Variants in STAG1 observed in about 807,000 individuals in gnomAD.
STAG1 encodes the protein cohesin subunit SA-1.
A neutral mutation model predicts 170.9 loss-of-function variants in STAG1; 26 were observed. That is an observed-to-expected ratio of 0.15 (90% CI 0.11 to 0.21). STAG1 has a LOEUF of 0.21. Among genes scored for constraint, STAG1 ranks in the 10% least tolerant of loss-of-function variants. STAG1 has a pLI of 1.00. For missense variants in STAG1, 964 were observed against 1,509.5 expected (o/e 0.64, Z 5.99); for synonymous variants, 514 against 497.7 (o/e 1.03, Z -0.44).
intron 22 of STAG1, among the ~76,000 whole-genome samples, chr3:136,384,056 A>G (rs1938129298): frequency 6.6e-6 from 1 of 152,164 alleles, no homozygotes; most frequent in African/African-American, 2.4e-5. Flanking sequence ...TAACAAAAGC[A>G]GTCTGCCTCC....
intron 21 of STAG1, among the ~76,000 whole-genome samples, chr3:136,412,690 C>G (rs895736673): frequency 2.0e-5 from 3 of 152,046 alleles, no homozygotes; most frequent in African/African-American, 7.2e-5. Context: ...TAAGAACATT[C>G]TGTAAAATAA....
chr3:136,520,151 A>G (rs1220536298), intron 7 of STAG1, among the ~76,000 whole-genome samples: 3 of 152,180 alleles, frequency 2.0e-5, no homozygotes, highest in Admixed American at 6.5e-5. Flanking sequence ...AAGCCAAAAA[A>G]TAACAAAATT....
At chr3:136,415,266 T>C (rs2087738377) in intron 21 of STAG1, among the ~76,000 whole-genome samples, 1 of 151,604 alleles carries the variant, frequency 6.6e-6, no homozygotes, top group Non-Finnish European at 1.5e-5. Flanking sequence ...TGTGTAACAA[T>C]TCAGTGAAGG....
chr3:136,429,894 T>A (rs2088243744), intron 16 of STAG1, among the ~76,000 whole-genome samples: 1 of 152,160 alleles, frequency 6.6e-6, no homozygotes, highest in Non-Finnish European at 1.5e-5. Flanking sequence ...CTTAAAAACT[T>A]TTTTCTCCTC....
At chr3:136,372,532 T>C (rs1937400513) in intron 23 of STAG1, among the ~76,000 whole-genome samples, 1 of 152,216 alleles carries the variant, frequency 6.6e-6, no homozygotes, top group Non-Finnish European at 1.5e-5. Flanking sequence ...CATCAATACC[T>C]AATTTATTGA....
chr3:136,404,871 G>C (rs1399306429), intron 21 of STAG1, among the ~76,000 whole-genome samples: 1 of 151,500 alleles, frequency 6.6e-6, no homozygotes, highest in Non-Finnish European at 1.5e-5. Flanking sequence ...ATATGTGTGT[G>C]TGTGTGTGTG....
At chr3:136,707,979 T>TA (rs1025710656) in intron 1 of STAG1, among the ~76,000 whole-genome samples, 3 of 151,852 alleles carry the variant, frequency 2.0e-5, no homozygotes, top group East Asian at 3.9e-4. Flanking sequence ...TATATTTTTT[T>TA]AAAAAAAAGG....
intron 1 of STAG1, among the ~76,000 whole-genome samples, chr3:136,644,697 C>T (rs1940934116): frequency 6.6e-6 from 1 of 151,910 alleles, no homozygotes; most frequent in Non-Finnish European, 1.5e-5. Flanking sequence ...TGCAGTATTT[C>T]TGTCATTTTT....
chr3:136,538,353 C>T (rs774050076), intron 6 of STAG1, among the ~76,000 whole-genome samples: 64 of 151,142 alleles, frequency 4.2e-4, no homozygotes, highest in Non-Finnish European at 7.5e-4. Context: ...ATTTATAAGA[C>T]ATTTAGAAAA....
intron 4 of STAG1, among the ~76,000 whole-genome samples, chr3:136,574,113 C>T (rs111340880): frequency 1.9e-4 from 29 of 150,478 alleles, no homozygotes; most frequent in African/African-American, 5.4e-4. Context: ...TGGTGGCACG[C>T]GCCTATAGTC....
At chr3:136,697,261 A>G (rs537959784) in intron 1 of STAG1, among the ~76,000 whole-genome samples, 2 of 152,284 alleles carry the variant, frequency 1.3e-5, no homozygotes, top group Non-Finnish European at 2.9e-5. Flanking sequence ...TTAATATTGC[A>G]TATGTTCCAA....
At chr3:136,455,171 T>A (rs376338624) in intron 13 of STAG1, among the ~76,000 whole-genome samples, 49 of 152,176 alleles carry the variant, frequency 3.2e-4, no homozygotes, top group African/African-American at 9.2e-4. Flanking sequence ...TTTTTTGGTG[T>A]TGTGATATCA....
At chr3:136,656,598 G>A (rs1363338523) in intron 1 of STAG1, among the ~76,000 whole-genome samples, 1 of 99,172 alleles carries the variant, frequency 1.0e-5, no homozygotes, top group African/African-American at 6.7e-5. Context: ...ACAAATAAAC[G>A]TGTGCTCTCT....
Position 136,625,026 on chromosome 3 carries a change from C to T in STAG1, c.30-1778G>A, listed in dbSNP as rs564235235. On this transcript the variant is annotated intron_variant, in intron 2 of 33. Transcript: ENST00000383202. ...AAAACAGATATGTTGTGTTTAGCTA[C>T]CTTGCAAAATTCCTAAAAATTTAAT... Among the ~76,000 whole-genome samples, 96 of 152,160 alleles carry T rather than the reference C, an allele frequency of 6.3e-4. 1 individual carries two copies. In the South Asian group the frequency reaches 8.7e-3, roughly 14 times the overall value.
rs762965509 is a variant in STAG1 at position 136,538,589 on chromosome 3, T to C, written c.471+3530A>G. 3.3e-5 allele frequency among the ~76,000 whole-genome samples: 5 copies of C among 152,050 alleles called. No individual in the cohort carries two copies. The East Asian group carries it at 9.7e-4, about 30-fold the overall frequency. ...ATGTGCCACCACTCCTGGCAAATTT[T>C]TGTATTTTTAGTAGAGACAGGGTTT... On this transcript the variant is annotated intron_variant, in intron 6 of 33. Coordinates refer to ENST00000383202, the MANE Select transcript of STAG1 (RefSeq NM_005862.3).
intron 1 of STAG1, among the ~76,000 whole-genome samples, chr3:136,698,930 G>A (rs1313104699): frequency 6.6e-6 from 1 of 152,216 alleles, no homozygotes; most frequent in African/African-American, 2.4e-5. Context: ...GATGGAGGTA[G>A]AGGCCATTGT....
At chr3:136,463,761 G>GTA (rs1309003742) in intron 13 of STAG1, among the ~76,000 whole-genome samples, 2 of 85,396 alleles carry the variant, frequency 2.3e-5, no homozygotes, top group African/African-American at 8.2e-5. Flanking sequence ...GTGTGTGTGT[G>GTA]TGTGTGTATA....
intron 14 of STAG1, among the ~76,000 whole-genome samples, chr3:136,444,856 G>C (rs1345876209): frequency 6.6e-6 from 1 of 151,976 alleles, no homozygotes; most frequent in African/African-American, 2.4e-5. Context: ...CTTAACTTCA[G>C]TGTGATTTTT....
At chr3:136,698,027 AAAAG>A (rs1263474395) in intron 1 of STAG1, among the ~76,000 whole-genome samples, 14 of 152,248 alleles carry the variant, frequency 9.2e-5, no homozygotes, top group Middle Eastern at 3.4e-3. Context: ...TGGGAAAAAA[AAAAG>A]AAAGAAAGAA....
Sources: gnomAD v4.1 joint callset for allele counts (sites outside exome capture counted in the v4.1 genomes callset) on GRCh38, gnomAD v4.1.1 for gene constraint, MANE v1.5 for transcripts, NCBI Gene and HGNC (gene_info 2026-07-23, HGNC 2026-07-21) for gene names.